Variants in IFT43 observed in about 807,000 individuals in gnomAD.
IFT43 encodes the protein intraflagellar transport protein 43 homolog.
A neutral mutation model predicts 32.3 loss-of-function variants in IFT43; 33 were observed. The observed-to-expected ratio is 1.02, with a 90% confidence interval of 0.77 to 1.37. IFT43 has a LOEUF of 1.37. IFT43 is among the 40% of genes most tolerant of loss of function. The pLI, the probability that IFT43 is intolerant of heterozygous loss-of-function variation, is 0.00. For missense variants in IFT43, 274 were observed against 265.9 expected (o/e 1.03, Z -0.21); for synonymous variants, 93 against 98.2 (o/e 0.95, Z 0.31).
chr14:75,998,941 C>G (rs909285843), intron 2 of IFT43, among the ~76,000 whole-genome samples: 2 of 152,042 alleles, frequency 1.3e-5, no homozygotes, highest in Admixed American at 1.3e-4. Flanking sequence ...TGCTGTGTTG[C>G]TCGGGATGAC....
At chr14:76,047,334 T>A (rs7148309) in intron 3 of IFT43, among the ~76,000 whole-genome samples, 1 of 152,068 alleles carries the variant, frequency 6.6e-6, no homozygotes, top group African/African-American at 2.4e-5. Flanking sequence ...TCCTCTCTGA[T>A]GTGGGGAATA....
chr14:76,066,508 A>G (rs561504537), intron 5 of IFT43, among the ~76,000 whole-genome samples: 1 of 152,354 alleles, frequency 6.6e-6, no homozygotes, highest in African/African-American at 2.4e-5. Flanking sequence ...CATATGTTAC[A>G]TATAACTAGT....
intron 2 of IFT43, among the ~76,000 whole-genome samples, chr14:75,998,362 TG>T (rs1286599229): frequency 1.3e-5 from 2 of 152,146 alleles, no homozygotes. Context: ...GGGCTGGAGC[TG>T]GAGATTTGGA....
At chr14:76,046,829 T>C (rs1190154901) in intron 3 of IFT43, among the ~76,000 whole-genome samples, 5 of 152,216 alleles carry the variant, frequency 3.3e-5, no homozygotes, top group Non-Finnish European at 5.9e-5. Flanking sequence ...TGAAACTTTG[T>C]TCTGAACCTG....
chr14:75,999,906 G>A (rs753992367), intron 2 of IFT43, among the ~76,000 whole-genome samples: 1 of 152,234 alleles, frequency 6.6e-6, no homozygotes, highest in African/African-American at 2.4e-5. Flanking sequence ...TTAAAGCAAA[G>A]AATGACGTTA....
intron 2 of IFT43, among the ~76,000 whole-genome samples, chr14:75,999,270 T>TTC (rs2035831891): frequency 4.0e-5 from 1 of 25,236 alleles, no homozygotes; most frequent in Non-Finnish European, 6.4e-5. Flanking sequence ...TATATATATA[T>TTC]ATGTATATAT....
chr14:76,072,021 C>A (rs2037330813), intron 5 of IFT43, among the ~76,000 whole-genome samples: 1 of 152,174 alleles, frequency 6.6e-6, no homozygotes, highest in African/African-American at 2.4e-5. Context: ...ACTTCTTGGC[C>A]ATGTCCTCAG....
chr14:76,083,649 G>A lies in IFT43; in HGVS notation c.*72G>A, dbSNP rs769511343. ...GCTAAAGAAGCTTGTAAGCAGCTCCGAATTTTTACCTGGAATATTTTGTAA... is the reference window on the plus strand; with the variant it reads ...GCTAAAGAAGCTTGTAAGCAGCTCCAAATTTTTACCTGGAATATTTTGTAA... On this transcript the variant is annotated 3_prime_UTR_variant, in exon 9 of 9. Coordinates refer to ENST00000314067, the MANE Select transcript of IFT43 (RefSeq NM_001102564.3). The A allele has an allele frequency of 6.3e-6, 9 of 1,425,624 alleles. No homozygotes were observed. Among genetic ancestry groups the A allele is most frequent in the Admixed American group, 5.1e-5 (3 of 58,580 alleles). 88.3% of individuals were successfully genotyped at this position (1,425,624 alleles called of 1,614,324 possible).
intron 2 of IFT43, among the ~76,000 whole-genome samples, chr14:75,994,002 G>A (rs886863691): frequency 6.6e-6 from 1 of 152,124 alleles, no homozygotes; most frequent in African/African-American, 2.4e-5. Context: ...CCACACCATA[G>A]CATCGGGGTT....
intron 3 of IFT43, among the ~76,000 whole-genome samples, chr14:76,038,846 G>A (rs1383793116): frequency 2.0e-5 from 3 of 152,258 alleles, no homozygotes; most frequent in East Asian, 3.9e-4. Flanking sequence ...CGGGTGGGGA[G>A]GAATGAGAAT....
At chr14:75,990,616 G>A (rs1013267565) in intron 2 of IFT43, among the ~76,000 whole-genome samples, 13 of 152,134 alleles carry the variant, frequency 8.5e-5, no homozygotes, top group Admixed American at 3.3e-4. Context: ...AAGTGTTATG[G>A]GGCCTGGGGC....
chr14:75,998,220 T>G (rs2142165), intron 2 of IFT43, among the ~76,000 whole-genome samples: 50,347 of 152,134 alleles, frequency 0.33, 9,739 homozygotes, highest in East Asian at 0.43. Context: ...CCCTGGAGAC[T>G]GGCACTTTGT....
chr14:76,028,907 T>C (rs541491598), intron 3 of IFT43, among the ~76,000 whole-genome samples: 132 of 152,346 alleles, frequency 8.7e-4, no homozygotes, highest in Non-Finnish European at 1.8e-3. Flanking sequence ...TTGTGAACAG[T>C]GCTACAATGA....
chr14:76,059,245 T>C, intron 4 of IFT43, 82 bp from the exon 5 acceptor site: 1 of 1,611,780 alleles, frequency 6.2e-7, no homozygotes, highest in South Asian at 1.1e-5. Context: ...GGAGAAAGAA[T>C]GGATACAATA....
chr14:76,055,614 T>C (rs1459240930), intron 3 of IFT43, among the ~76,000 whole-genome samples: 1 of 152,186 alleles, frequency 6.6e-6, no homozygotes, highest in Admixed American at 6.5e-5. Flanking sequence ...TCTGTGTCTT[T>C]TGCTGGGCTC....
rs2035854500 is a variant in IFT43, at chr14:76,000,121, C to T, written c.147+11144C>T. On this transcript the variant is annotated intron_variant, in intron 2 of 8. Transcript: ENST00000314067. ...ACATTTTTACAGTTACAATACATACCACTCACATTATTAACTTTTCTCTTT... is the reference window on the plus strand; with the variant it reads ...ACATTTTTACAGTTACAATACATACTACTCACATTATTAACTTTTCTCTTT... 1.3e-5 allele frequency among the ~76,000 whole-genome samples: 2 copies of T among 152,202 alleles called. 1 individual carries two copies. Among genetic ancestry groups the T allele is most frequent in the South Asian group, 4.1e-4 (2 of 4,830 alleles).
intron 2 of IFT43, among the ~76,000 whole-genome samples, chr14:76,002,846 A>G (rs2035914545): frequency 6.6e-6 from 1 of 152,152 alleles, no homozygotes; most frequent in African/African-American, 2.4e-5. Context: ...AAATGAGCAG[A>G]CTCTACTTGA....
intron 5 of IFT43, among the ~76,000 whole-genome samples, chr14:76,080,145 C>G (rs1258602571): frequency 6.6e-6 from 1 of 152,246 alleles, no homozygotes; most frequent in African/African-American, 2.4e-5. Context: ...CAAGCTGTCA[C>G]TGCACAAGAA....
rs989714106 is a variant in IFT43, at chr14:76,067,568, T to C, written c.295+8195T>C. ...CTGCACTCCAGCCTGGGAGACAGAG[T>C]GAGACTCTCTCAAAAAAAAAAAAAG... is the stretch of plus-strand genomic sequence containing the variant. On this transcript the variant is annotated intron_variant, in intron 5 of 8. Coordinates refer to ENST00000314067, the MANE Select transcript of IFT43 (RefSeq NM_001102564.3). 6.1e-4 allele frequency among the ~76,000 whole-genome samples: 88 copies of C among 144,630 alleles called. 1 individual carries two copies. The highest frequency in any genetic ancestry group is 2.2e-3 in the African/African-American group (86 of 38,662). 94.9% of individuals were successfully genotyped at this position (144,630 alleles called of 152,430 possible).
Sources: gnomAD v4.1 joint callset for allele counts (sites outside exome capture counted in the v4.1 genomes callset) on GRCh38, gnomAD v4.1.1 for gene constraint, MANE v1.5 for transcripts, NCBI Gene and HGNC (gene_info 2026-07-23, HGNC 2026-07-21) for gene names.